RASL12: variants seen among roughly 807,000 people sequenced by gnomAD.
RASL12 encodes RAS like family 12.
In RASL12, 16 loss-of-function variants were observed where a neutral mutation model predicts 22.9. The observed-to-expected ratio is 0.70, with a 90% CI of 0.47 to 1.06. The LOEUF is 1.06. RASL12 is among the 50% of genes least tolerant of loss of function. The probability of loss-of-function intolerance (pLI) is 0.00; values close to 1 mark genes in which losing one functional copy is unlikely to be tolerated. For missense variants in RASL12, 306 were observed against 353.1 expected (o/e 0.87, Z 1.07); for synonymous variants, 159 against 152.2 (o/e 1.04, Z -0.33).
At chr15:65,076,660 C>A in exon 1 of RASL12, 1 of 759,364 alleles carries the variant, frequency 1.3e-6, no homozygotes, top group Non-Finnish European at 2.2e-6. Context: ...TGCAGCCATA[C>A]AGCCTGCGGG....
chr15:65,056,137 G>T (rs1346274205), intron 4 of RASL12, among the ~76,000 whole-genome samples: 1 of 152,108 alleles, frequency 6.6e-6, no homozygotes, highest in African/African-American at 2.4e-5. Flanking sequence ...AGATGGGGGG[G>T]TCCCTGAGAT....
At chr15:65,050,150 C>T, downstream of RASL12, 1 of 1,470,912 alleles carries the variant, frequency 6.8e-7, no homozygotes, top group Non-Finnish European at 9.3e-7. Flanking sequence ...CCCCTCAACA[C>T]AGAGCAGAGT....
At chr15:65,062,985 G>C (rs2086829945) in intron 2 of RASL12, among the ~76,000 whole-genome samples, 1 of 152,146 alleles carries the variant, frequency 6.6e-6, no homozygotes, top group East Asian at 1.9e-4. Flanking sequence ...CACAGACCAA[G>C]GGGACTGACC....
downstream of RASL12, among the ~76,000 whole-genome samples, chr15:65,051,313 T>G (rs545188795): frequency 1.2e-4 from 19 of 152,328 alleles, no homozygotes; most frequent in African/African-American, 4.6e-4. Context: ...GATTAGGGCT[T>G]CTCCAGAGTA....
the RASL12 span, among the ~76,000 whole-genome samples, chr15:65,046,937 C>G: frequency 6.6e-6 from 1 of 151,700 alleles, no homozygotes; most frequent in South Asian, 2.1e-4. Context: ...AAAAAAACAC[C>G]ACTCCACTGT....
intron 4 of RASL12, among the ~76,000 whole-genome samples, chr15:65,056,409 G>A (rs748178890): frequency 4.6e-5 from 7 of 152,128 alleles, no homozygotes; most frequent in East Asian, 1.9e-4. Flanking sequence ...CAGAGGCATC[G>A]GATCTATTCC....
chr15:65,057,585 C>G (rs1004654875), intron 4 of RASL12, among the ~76,000 whole-genome samples: 1 of 152,192 alleles, frequency 6.6e-6, no homozygotes, highest in Non-Finnish European at 1.5e-5. Flanking sequence ...AATGCATCCT[C>G]TGGCCCAGTC....
At chr15:65,067,417 G>A (rs1326423917) in intron 1 of RASL12, among the ~76,000 whole-genome samples, 1 of 152,002 alleles carries the variant, frequency 6.6e-6, no homozygotes, top group East Asian at 1.9e-4. Flanking sequence ...AAAGGACTCC[G>A]AGACACACAA....
At chr15:65,048,918 G>A (rs930710666), downstream of RASL12, among the ~76,000 whole-genome samples, 1 of 150,230 alleles carries the variant, frequency 6.7e-6, no homozygotes, top group African/African-American at 2.4e-5. Flanking sequence ...GCTGAGACAG[G>A]AGAATCGCTT....
chr15:65,054,958 C>T lies in RASL12; in HGVS notation c.742G>A (p.Ala248Thr). ...AKLVTVKSSR[A>T]QSKRKAPTLT... ...GTAGGCGCCTTGCGCTTGCTCTGGG[C>T]CCGGGATGACTTCACGGTGACCAGC... The change falls in exon 5 of 5, where the codon GCC becomes ACC. Residue 248 changes from alanine to threonine, a missense_variant. Ala to Thr is a moderately conservative substitution (Grantham distance 58). Coordinates refer to ENST00000220062, the MANE Select transcript of RASL12 (RefSeq NM_016563.4). 1.2e-6 allele frequency: 2 copies of T among 1,614,182 alleles called. No individual in the cohort carries two copies. Among genetic ancestry groups the T allele is most frequent in the African/African-American group, 1.3e-5 (1 of 75,074 alleles).
At chr15:65,071,194 C>T (rs761955184), upstream of RASL12, among the ~76,000 whole-genome samples, 7 of 152,194 alleles carry the variant, frequency 4.6e-5, no homozygotes, top group Non-Finnish European at 8.8e-5. Context: ...GTATGCCCAT[C>T]GTTGTGAATA....
the RASL12 span, among the ~76,000 whole-genome samples, chr15:65,048,195 GAAAAAAAAAA>G: frequency 1.0e-4 from 13 of 124,220 alleles, no homozygotes; most frequent in Non-Finnish European, 1.5e-4. Context: ...GAAAAAAAAA[GAAAAAAAAAA>G]AAGTCTAAGA....
chr15:65,051,697 G>A (rs2946676), downstream of RASL12: 1,050,557 of 1,190,930 alleles, frequency 0.88, 463,788 homozygotes, highest in East Asian at 0.98. Context: ...TCACTTAGGG[G>A]TCATTGCTGT....
intron 1 of RASL12, chr15:65,076,453 G>A (rs1039711438): frequency 1.5e-5 from 9 of 603,730 alleles, no homozygotes; most frequent in African/African-American, 1.1e-4. Context: ...CCACCAGAAG[G>A]AAGAAACTCC....
the RASL12 span, among the ~76,000 whole-genome samples, chr15:65,047,297 T>C: frequency 1.3e-5 from 2 of 151,464 alleles, no homozygotes; most frequent in Non-Finnish European, 2.9e-5. Context: ...GATCACACCA[T>C]TGCACTCCAG....
At chr15:65,059,463 G>C (rs375950468) in intron 2 of RASL12, 45 bp from the exon 3 acceptor site, 80 of 1,493,830 alleles carry the variant, frequency 5.4e-5, no homozygotes, top group Admixed American at 6.7e-5. Context: ...TGCCTTGGGT[G>C]TAAGTTTGAG....
rs925316466 is a variant in RASL12, at chr15:65,067,932, T to C, written c.-97A>G. ...CAGGGGAGCGGGATGCAGGCTTCCC[T>C]GGAGCGCGCGGCCCCGGACCCGTCG... On this transcript the variant is annotated 5_prime_UTR_variant, in exon 1 of 5. Coordinates refer to ENST00000220062, the MANE Select transcript of RASL12 (RefSeq NM_016563.4). 36 of 1,288,056 alleles carry C rather than the reference T, an allele frequency of 2.8e-5. No individual in the cohort carries two copies. Among genetic ancestry groups the C allele is most frequent in the Middle Eastern group, 5.9e-4 (2 of 3,372 alleles). 79.8% of individuals were successfully genotyped at this position (1,288,056 alleles called of 1,614,324 possible). A position where few individuals can be genotyped will look rare whatever the true frequency, so the allele number is the denominator to read the frequency against.
Position 65,058,693 on chromosome 15 carries a change from C to T in RASL12, c.235-76G>A, listed in dbSNP as rs879182230. On this transcript the variant is annotated intron_variant, in intron 3 of 4. Transcript: ENST00000220062. ...AGGCCTTCACCTGAGCCGCCCAATC[C>T]CACCTCCCCACTCCCCGGTCTTTGT... 28 of 1,037,794 alleles carry T rather than the reference C, an allele frequency of 2.7e-5. No individual in the cohort carries two copies. The South Asian group carries it at 5.3e-4, about 20-fold the overall frequency. The allele number at this position is 1,037,794 out of a possible 1,614,324, so 64.3% of individuals were successfully genotyped here. A position where few individuals can be genotyped will look rare whatever the true frequency, so the allele number is the denominator to read the frequency against.
At chr15:65,075,000 C>T (rs570163064) in intron 1 of RASL12, among the ~76,000 whole-genome samples, 1 of 152,336 alleles carries the variant, frequency 6.6e-6, no homozygotes, top group Non-Finnish European at 1.5e-5. Context: ...AGCCCACTCC[C>T]TCAGCTTGCA....
Sources: allele counts gnomAD v4.1 joint callset (sites outside exome capture counted in the v4.1 genomes callset), GRCh38; gene constraint gnomAD v4.1.1; transcripts MANE v1.5; gene names NCBI Gene and HGNC (gene_info 2026-07-23, HGNC 2026-07-21).